The following COL4A2 variants were observed in gnomAD, a reference collection of about 807,000 sequenced individuals.
The protein encoded by COL4A2 is collagen type IV alpha 2 chain.
In COL4A2, 99 loss-of-function variants were observed where a neutral mutation model predicts 200.2. The ratio of observed to expected loss-of-function variants is 0.49; its 90% CI spans 0.42 to 0.58. The LOEUF (loss-of-function observed/expected upper bound fraction) is 0.58. Among genes scored for constraint, COL4A2 ranks in the 20% least tolerant of loss-of-function variants. The pLI, the probability that COL4A2 is intolerant of heterozygous loss-of-function variation, is 0.00. For synonymous variants in COL4A2, 897 were observed against 900.6 expected, an observed-to-expected ratio of 1.00 and a Z score of 0.07; for missense variants, 1,950 against 2,314.1, an observed-to-expected ratio of 0.84 and a Z score of 3.23.
intron 22 of COL4A2, 77 bp from the exon 23 acceptor site, chr13:110,462,036 GA>G: frequency 1.3e-6 from 2 of 1,577,398 alleles, no homozygotes; most frequent in South Asian, 2.3e-5. Flanking sequence ...TGTGTGAGAT[GA>G]AAAAGCTTGC....
chr13:110,310,596 T>G (rs1050052595), intron 3 of COL4A2, among the ~76,000 whole-genome samples: 1 of 152,232 alleles, frequency 6.6e-6, no homozygotes. Flanking sequence ...ACCACTGGCT[T>G]TAATGGCTGT....
chr13:110,446,378 G>C (rs755038524), intron 17 of COL4A2, among the ~76,000 whole-genome samples: 1 of 152,174 alleles, frequency 6.6e-6, no homozygotes, highest in Non-Finnish European at 1.5e-5. Context: ...AAGGTGGTGC[G>C]CGGGATGCTG....
chr13:110,470,829 A>G (rs545383479), intron 28 of COL4A2, among the ~76,000 whole-genome samples: 1 of 152,316 alleles, frequency 6.6e-6, no homozygotes, highest in South Asian at 2.1e-4. Flanking sequence ...GATAGATGGT[A>G]TCTTTCGGAA....
intron 24 of COL4A2, among the ~76,000 whole-genome samples, chr13:110,464,487 C>T (rs568635689): frequency 6.6e-6 from 1 of 152,302 alleles, no homozygotes; most frequent in Admixed American, 6.5e-5. Flanking sequence ...GGGGCATCTG[C>T]CCTGTGATCT....
At chr13:110,449,839 C>A in intron 19 of COL4A2, 50 bp downstream of exon 19, 1 of 1,509,608 alleles carries the variant, frequency 6.6e-7, no homozygotes, top group South Asian at 1.2e-5. Flanking sequence ...CACCTGCACT[C>A]AGGTCCTAGC....
chr13:110,351,429 C>T (rs769810540), intron 3 of COL4A2, among the ~76,000 whole-genome samples: 1 of 152,136 alleles, frequency 6.6e-6, no homozygotes, highest in Non-Finnish European at 1.5e-5. Flanking sequence ...CCTCCCTTGC[C>T]GGCGTGGGTT....
chr13:110,405,212 T>A (rs879467623), intron 4 of COL4A2, among the ~76,000 whole-genome samples: 16 of 152,178 alleles, frequency 1.1e-4, no homozygotes, highest in Admixed American at 2.0e-4. Flanking sequence ...GAGAAACGTT[T>A]TAGAAAATCC....
intron 21 of COL4A2, chr13:110,458,076 C>A (rs1321051516): frequency 4.3e-6 from 2 of 463,858 alleles, no homozygotes; most frequent in Admixed American, 4.8e-5. Flanking sequence ...ATGGGGAGCA[C>A]TTCCTGGGAC....
chr13:110,511,966 A>G lies in COL4A2; in HGVS notation c.4914A>G (p.Gln1638=), dbSNP rs1884097384. Residue 1638 remains glutamine, a synonymous_variant, in exon 48 of 48, where the codon CAA becomes CAG. Transcript: ENST00000360467. ...CGGCGGGAGACGAAGGCGGTGGCCA[A>G]TCACTGGTGTCACCGGGCAGCTGTC... ...HTAAGDEGGG[Q]SLVSPGSCLE... The G allele has an allele frequency of 6.2e-7, 1 of 1,613,534 alleles. No individual in the cohort carries two copies. Among genetic ancestry groups the G allele is most frequent in the Non-Finnish European group, 8.5e-7 (1 of 1,180,036 alleles).
At chr13:110,316,363 G>A (rs1218168185) in intron 3 of COL4A2, among the ~76,000 whole-genome samples, 1 of 152,172 alleles carries the variant, frequency 6.6e-6, no homozygotes, top group East Asian at 1.9e-4. Context: ...GTTTGTCCAC[G>A]AGAGAAAGGA....
intron 47 of COL4A2, among the ~76,000 whole-genome samples, chr13:110,510,932 A>G (rs922609904): frequency 6.6e-6 from 1 of 152,196 alleles, no homozygotes; most frequent in African/African-American, 2.4e-5. Context: ...AGGGCTGGAC[A>G]GGCTTCTGCC....
chr13:110,510,690 T>C (rs141666657), intron 47 of COL4A2, among the ~76,000 whole-genome samples: 2 of 152,346 alleles, frequency 1.3e-5, no homozygotes, highest in Admixed American at 1.3e-4. Context: ...CATGTGTGCA[T>C]GTATGCATGT....
chr13:110,316,927 A>G (rs934816872), intron 3 of COL4A2, among the ~76,000 whole-genome samples: 1 of 152,038 alleles, frequency 6.6e-6, no homozygotes, highest in African/African-American at 2.4e-5. Flanking sequence ...TATGTTATCA[A>G]TCTACATGGA....
At chr13:110,396,687 T>G (rs1879193462) in intron 4 of COL4A2, among the ~76,000 whole-genome samples, 2 of 152,192 alleles carry the variant, frequency 1.3e-5, no homozygotes, top group Non-Finnish European at 2.9e-5. Flanking sequence ...CATGGCAGTC[T>G]AAGATTAAGC....
At chr13:110,339,108 G>A (rs1053823080) in intron 3 of COL4A2, among the ~76,000 whole-genome samples, 5 of 152,130 alleles carry the variant, frequency 3.3e-5, no homozygotes, top group African/African-American at 9.7e-5. Context: ...ATTTTTTCAC[G>A]TTATCATGTG....
At chr13:110,429,732 G>C (rs560048475) in intron 7 of COL4A2, among the ~76,000 whole-genome samples, 153 bp from the exon 8 acceptor site, 16 of 152,296 alleles carry the variant, frequency 1.1e-4, no homozygotes, top group Non-Finnish European at 2.4e-4. Context: ...CTGAATATAG[G>C]GTTGGTGTTC....
chr13:110,512,463 A>G lies in COL4A2; in HGVS notation c.*272A>G. 1 of 538,372 alleles carries G rather than the reference A, an allele frequency of 1.9e-6. No homozygotes were observed. The highest frequency in any genetic ancestry group is 1.9e-5 in the African/African-American group (1 of 52,778). 33.3% of individuals were successfully genotyped at this position (538,372 alleles called of 1,614,324 possible). ...AGACGCACCGCCTGAAGGCACAGCT[A>G]ACCACTTCGCACACACCCATGTAAC... is the stretch of plus-strand genomic sequence containing the variant. On this transcript the variant is annotated 3_prime_UTR_variant, in exon 48 of 48. Coordinates refer to ENST00000360467, the MANE Select transcript of COL4A2 (RefSeq NM_001846.4).
At chr13:110,458,711 T>C (rs1287372061) in intron 21 of COL4A2, 60 bp from the exon 22 acceptor site, 1 of 1,605,130 alleles carries the variant, frequency 6.2e-7, no homozygotes, top group Admixed American at 1.7e-5. Context: ...CTGATACCCC[T>C]CTCCCCGCCA....
At chr13:110,491,955 GCGGCCCTTC>G in intron 37 of COL4A2, 106 bp from the exon 38 acceptor site, 1 of 814,712 alleles carries the variant, frequency 1.2e-6, no homozygotes, top group Non-Finnish European at 1.9e-6. Context: ...AACTGGCACT[GCGGCCCTTC>G]CGGCCCTCGG....
Sources: gnomAD v4.1 joint callset for allele counts (sites outside exome capture counted in the v4.1 genomes callset) on GRCh38, gnomAD v4.1.1 for gene constraint, MANE v1.5 for transcripts, NCBI Gene and HGNC (gene_info 2026-07-23, HGNC 2026-07-21) for gene names.